The following RBM19 variants were observed in gnomAD, a reference collection of about 807,000 sequenced individuals.
The protein encoded by RBM19 is RNA binding motif protein 19.
RBM19 carries 94 observed loss-of-function variants against 116.8 expected under a neutral mutation model. The ratio of observed to expected loss-of-function variants is 0.80; its 90% CI spans 0.68 to 0.95. The LOEUF is 0.95. RBM19 is among the 40% of genes least tolerant of loss of function. The pLI is 0.00. For synonymous variants in RBM19, 475 were observed against 494.1 expected, an observed-to-expected ratio of 0.96 and a Z score of 0.51; for missense variants, 1,161 against 1,220.7, an observed-to-expected ratio of 0.95 and a Z score of 0.73.
At chr12:113,817,968 C>G (rs1874160389), downstream of RBM19, 1 of 152,148 alleles carries the variant, frequency 6.6e-6, no homozygotes, top group African/African-American at 2.4e-5. Context: ...GTGGCTCACA[C>G]CCGTAATCCC....
intron 23 of RBM19, 65 bp from the exon 24 acceptor site, chr12:113,823,386 G>T: frequency 7.0e-7 from 1 of 1,421,308 alleles, no homozygotes; most frequent in Non-Finnish European, 9.8e-7. Flanking sequence ...GGCAGGAAGA[G>T]AGAAATGACA....
intron 22 of RBM19, among the ~76,000 whole-genome samples, chr12:113,854,291 A>G (rs1877702746): frequency 6.6e-6 from 1 of 152,146 alleles, no homozygotes; most frequent in South Asian, 2.1e-4. Context: ...GTTTTTATCA[A>G]CTCAAAGATA....
intron 14 of RBM19, among the ~76,000 whole-genome samples, chr12:113,940,877 C>T (rs1363822951): frequency 2.6e-5 from 4 of 152,140 alleles, no homozygotes; most frequent in African/African-American, 4.8e-5. Flanking sequence ...GCTCCCGCAG[C>T]GACAGCAAGG....
chr12:113,939,105 C>T (rs564917707), intron 15 of RBM19, among the ~76,000 whole-genome samples: 2 of 152,120 alleles, frequency 1.3e-5, no homozygotes, highest in African/African-American at 4.8e-5. Context: ...ATCAAGAATG[C>T]TCATTCTTGG....
At chr12:113,946,661 G>A (rs1048811704) in intron 11 of RBM19, among the ~76,000 whole-genome samples, 186 bp from the exon 12 acceptor site, 5 of 152,140 alleles carry the variant, frequency 3.3e-5, no homozygotes, top group Non-Finnish European at 4.4e-5. Context: ...TCCTGATGTC[G>A]TGAGGGGGCC....
rs1407933503 is a variant in RBM19 at position 113,872,210 on chromosome 12, G to A, written c.2559-13314C>T. On this transcript the variant is annotated intron_variant, in intron 21 of 23. Coordinates refer to ENST00000261741, the MANE Select transcript of RBM19 (RefSeq NM_016196.4). ...TGGGATGTGAGGAGCGCCTCTGCCCGGCCGAGACCCTGTCTGGGAGGTGAG... is the reference window on the plus strand; with the variant it reads ...TGGGATGTGAGGAGCGCCTCTGCCCAGCCGAGACCCTGTCTGGGAGGTGAG... Among the ~76,000 whole-genome samples the A allele has an allele frequency of 5.3e-4, 78 of 147,472 alleles. 2 individuals are homozygous for A. The highest frequency in any genetic ancestry group is 1.5e-3 in the African/African-American group (60 of 40,886).
chr12:113,895,922 T>C (rs893323925), intron 21 of RBM19, among the ~76,000 whole-genome samples: 1 of 151,592 alleles, frequency 6.6e-6, no homozygotes, highest in Non-Finnish European at 1.5e-5. Flanking sequence ...ATCCAATATA[T>C]ACATTTCGTT....
chr12:113,820,749 G>A (rs983640138), downstream of RBM19, among the ~76,000 whole-genome samples: 9 of 152,142 alleles, frequency 5.9e-5, no homozygotes, highest in Non-Finnish European at 8.8e-5. Context: ...CAAACAGTGC[G>A]TGCCTGGGGC....
At chr12:113,818,108 A>G (rs1874171813), downstream of RBM19, 1 of 149,492 alleles carries the variant, frequency 6.7e-6, no homozygotes, top group African/African-American at 2.5e-5. Context: ...CATACCTGTA[A>G]TCCCAGCCTT....
chr12:113,955,539 T>G (rs1313387472), intron 6 of RBM19, among the ~76,000 whole-genome samples: 1 of 152,150 alleles, frequency 6.6e-6, no homozygotes, highest in African/African-American at 2.4e-5. Flanking sequence ...TACCACTATG[T>G]AGGGCTTATC....
intron 21 of RBM19, among the ~76,000 whole-genome samples, chr12:113,895,149 C>A (rs1881231578): frequency 6.6e-6 from 1 of 152,242 alleles, no homozygotes; most frequent in South Asian, 2.1e-4. Context: ...TACACTCCAT[C>A]GAGTTCCCAT....
chr12:113,915,076 C>T lies in RBM19; in HGVS notation c.2451G>A (p.Val817=), dbSNP rs748426057. The change falls in exon 21 of 24, where the codon GTG becomes GTA. Residue 817 remains valine (V), a synonymous_variant. Coordinates refer to ENST00000261741, the MANE Select transcript of RBM19 (RefSeq NM_016196.4). ...RISERATKPA[V]TLARKKQVPR... Reference sequence around the variant, plus strand: ...GAACTTGTTTCTTCCGAGCCAATGTCACGGCTGGCCTGGAGTGGTGGGGGG... The same window carrying T: ...GAACTTGTTTCTTCCGAGCCAATGTTACGGCTGGCCTGGAGTGGTGGGGGG... 1.9e-6 allele frequency: 3 copies of T among 1,613,974 alleles called. No individual in the cohort carries two copies. Among genetic ancestry groups the T allele is most frequent in the East Asian group, 4.5e-5 (2 of 44,882 alleles).
chr12:113,915,542 A>C (rs1882722110), intron 20 of RBM19, among the ~76,000 whole-genome samples: 2 of 152,212 alleles, frequency 1.3e-5, no homozygotes, highest in Non-Finnish European at 2.9e-5. Context: ...CTCTCAGCCC[A>C]GGTTCAAGGC....
chr12:113,851,526 G>A (rs773197533), intron 22 of RBM19, among the ~76,000 whole-genome samples: 10 of 152,188 alleles, frequency 6.6e-5, no homozygotes, highest in Non-Finnish European at 1.2e-4. Context: ...CTGAGGCTCT[G>A]GGCTCCCCTC....
At chr12:113,923,317 C>A (rs1410761298) in intron 18 of RBM19, among the ~76,000 whole-genome samples, 1 of 152,156 alleles carries the variant, frequency 6.6e-6, no homozygotes, top group Non-Finnish European at 1.5e-5. Context: ...CTAGAACAGA[C>A]CTTCCCTCGC....
At chr12:113,959,807 C>T (rs757971460) in intron 4 of RBM19, 58 bp downstream of exon 4, 3 of 1,497,024 alleles carry the variant, frequency 2.0e-6, no homozygotes, top group Middle Eastern at 1.8e-4. Flanking sequence ...CTCCAGTCTC[C>T]ACCCTCTTCC....
At chr12:113,909,276 C>T (rs1882279329) in intron 21 of RBM19, among the ~76,000 whole-genome samples, 1 of 152,166 alleles carries the variant, frequency 6.6e-6, no homozygotes, top group South Asian at 2.1e-4. Flanking sequence ...GAGTGCCACA[C>T]AGTTCAGCTA....
At chr12:113,905,981 G>A (rs967162797) in intron 21 of RBM19, among the ~76,000 whole-genome samples, 3 of 152,172 alleles carry the variant, frequency 2.0e-5, no homozygotes, top group African/African-American at 7.2e-5. Flanking sequence ...GTGTGGACGA[G>A]GATGAGGCGC....
At chr12:113,878,683 C>T (rs907070288) in intron 21 of RBM19, among the ~76,000 whole-genome samples, 5 of 146,584 alleles carry the variant, frequency 3.4e-5, no homozygotes, top group African/African-American at 1.2e-4. Context: ...CCTCACTCAG[C>T]AAACGTCCCA....
Sources: allele counts gnomAD v4.1 joint callset (sites outside exome capture counted in the v4.1 genomes callset), GRCh38; gene constraint gnomAD v4.1.1; transcripts MANE v1.5; gene names NCBI Gene and HGNC (gene_info 2026-07-23, HGNC 2026-07-21).